LAMA3: variants seen among roughly 807,000 people sequenced by gnomAD.
LAMA3 encodes laminin subunit alpha-3.
In LAMA3, 281 loss-of-function variants were observed where a neutral mutation model predicts 402.0. The ratio of observed to expected loss-of-function variants is 0.70; its 90% confidence interval spans 0.63 to 0.77. The LOEUF (loss-of-function observed/expected upper bound fraction) is 0.77, where lower values mean the gene tolerates loss of function less well. Among genes scored for constraint, LAMA3 ranks in the 30% least tolerant of loss-of-function variants. LAMA3 has a pLI of 0.00. For synonymous variants in LAMA3, 1,431 were observed against 1,558.4 expected, an observed-to-expected ratio of 0.92 and a Z score of 1.93; for missense variants, 3,840 against 4,215.5, an observed-to-expected ratio of 0.91 and a Z score of 2.47.
At chr18:23,947,675 A>G (rs1022324898) in intron 70 of LAMA3, among the ~76,000 whole-genome samples, 1 of 152,276 alleles carries the variant, frequency 6.6e-6, no homozygotes, top group Non-Finnish European at 1.5e-5. Context: ...AGTAACTTAT[A>G]TATATTTCAT....
chr18:23,891,289 G>T (rs568149700), intron 42 of LAMA3, among the ~76,000 whole-genome samples: 2 of 152,342 alleles, frequency 1.3e-5, no homozygotes, highest in Admixed American at 1.3e-4. Flanking sequence ...ACAATGGTTT[G>T]TGACAAGAGT....
At chr18:23,816,785 A>C (rs563100410) in intron 18 of LAMA3, among the ~76,000 whole-genome samples, 4 of 152,308 alleles carry the variant, frequency 2.6e-5, no homozygotes, top group African/African-American at 9.6e-5. Context: ...GTGGGTTCTC[A>C]GGGCTCAACT....
At chr18:23,757,590 T>C (rs995473463) in intron 6 of LAMA3, among the ~76,000 whole-genome samples, 6 of 150,858 alleles carry the variant, frequency 4.0e-5, no homozygotes, top group Non-Finnish European at 7.4e-5. Flanking sequence ...TTCTGTGGAG[T>C]GGTGGCGCGA....
chr18:23,768,532 T>C (rs1041609812), intron 8 of LAMA3, among the ~76,000 whole-genome samples: 8 of 152,232 alleles, frequency 5.3e-5, no homozygotes, highest in Non-Finnish European at 1.2e-4. Context: ...CACTTACTTA[T>C]ACATTGCTGG....
intron 12 of LAMA3, among the ~76,000 whole-genome samples, chr18:23,794,947 G>T (rs2062734563): frequency 6.6e-6 from 1 of 152,160 alleles, no homozygotes; most frequent in Admixed American, 6.5e-5. Context: ...TTAAATGTAT[G>T]TTATAATTCT....
At chr18:23,774,123 G>A (rs1464145199) in intron 9 of LAMA3, among the ~76,000 whole-genome samples, 1 of 152,080 alleles carries the variant, frequency 6.6e-6, no homozygotes, top group Non-Finnish European at 1.5e-5. Context: ...CTCTGGAGGT[G>A]GAGGCATGAG....
chr18:23,864,712 C>A lies in LAMA3; in HGVS notation c.4585-73C>A, dbSNP rs2064309900. 5 of 986,044 alleles carry A rather than the reference C, an allele frequency of 5.1e-6. No homozygotes were observed. In the South Asian group the frequency reaches 5.2e-5, roughly 10 times the overall value. 61.1% of individuals were successfully genotyped at this position (986,044 alleles called of 1,614,324 possible). A position where few individuals can be genotyped will look rare whatever the true frequency, so the allele number is the denominator to read the frequency against. ...TTTCCACACCTTGTGTGCCTAAGTG[C>A]TTTTCATGCGGGTTGATGTTGACAT... is the stretch of plus-strand genomic sequence containing the variant. On this transcript the variant is annotated intron_variant, in intron 35 of 74. Transcript: ENST00000313654.
Position 23,903,078 on chromosome 18 carries a change from T to G in LAMA3, c.6271T>G (p.Leu2091Val). The G allele has an allele frequency of 6.2e-7, 1 of 1,613,538 alleles. No homozygotes were observed. Among genetic ancestry groups the G allele is most frequent in the Non-Finnish European group, 8.5e-7 (1 of 1,179,558 alleles). The part of the protein sequence containing the change: ...TKYLTTADSS[L>V]LQTNIALQLM... Reference sequence around the variant, plus strand: ...GTATCTAACCACTGCAGACTCATCTTTGTTGCAAACCAACATTGCGCTGCA... The same window carrying G: ...GTATCTAACCACTGCAGACTCATCTGTGTTGCAAACCAACATTGCGCTGCA... Residue 2091 changes from leucine (L) to valine (V), a missense_variant, in exon 49 of 75, where the codon TTG (leucine) becomes GTG (valine). Leu to Val is a conservative substitution (Grantham distance 32). Coordinates refer to ENST00000313654, the MANE Select transcript of LAMA3 (RefSeq NM_198129.4).
chr18:23,908,055 C>A, intron 54 of LAMA3, 120 bp downstream of exon 54: 2 of 920,480 alleles, frequency 2.2e-6, no homozygotes, highest in Non-Finnish European at 1.8e-6. Context: ...TAGAAAACAG[C>A]TCCACCTGAT....
intron 12 of LAMA3, among the ~76,000 whole-genome samples, chr18:23,791,588 G>C (rs974102899): frequency 2.0e-5 from 3 of 151,942 alleles, no homozygotes; most frequent in Middle Eastern, 6.3e-3. Flanking sequence ...ACAAAAATTA[G>C]CCAGGCATCG....
chr18:23,898,781 C>A lies in LAMA3; in HGVS notation c.5657C>A (p.Ser1886Ter). 6.2e-7 allele frequency: 1 copy of A among 1,612,438 alleles called. No homozygotes were observed. Among genetic ancestry groups the A allele is most frequent in the Non-Finnish European group, 8.5e-7 (1 of 1,178,558 alleles). The change falls in exon 45 of 75, where the codon TCA becomes TAA. Residue 1886 changes from serine to a stop codon, truncating the protein, a stop_gained. Transcript: ENST00000313654. LOFTEE classifies it high-confidence loss of function. ...NYRSAISNHG[S>*]KIEGLERELT... is the part of the protein sequence containing the mutation. ...CGTTCTGCCATTTCAAATCATGGAT[C>A]AAAAATAGAAGGCCTGGAAAGAGAA...
chr18:23,894,299 C>T lies in LAMA3; in HGVS notation c.5412C>T (p.Asp1804=), dbSNP rs2080797926. ...TCTTTGGTTATTTTCTGATTTTAGA[C>T]TGCATAAACCAAGAACCCAAAGATA... ...QLGSCHPLTG[D]CINQEPKDSS... The change falls in exon 43 of 75, where the codon GAC becomes GAT. Residue 1804 remains aspartate, a splice_region_variant and synonymous_variant. Transcript: ENST00000313654. 1 of 1,610,690 alleles carries T rather than the reference C, an allele frequency of 6.2e-7. No homozygotes were observed. The highest frequency in any genetic ancestry group is 8.5e-7 in the Non-Finnish European group (1 of 1,176,904).
intron 7 of LAMA3, among the ~76,000 whole-genome samples, chr18:23,761,265 A>G (rs1208956480): frequency 6.6e-6 from 1 of 152,164 alleles, no homozygotes; most frequent in African/African-American, 2.4e-5. Context: ...TCTATTGCAA[A>G]CAAAACACAT....
At chr18:23,780,436 G>C (rs1238981511) in intron 11 of LAMA3, among the ~76,000 whole-genome samples, 1 of 152,088 alleles carries the variant, frequency 6.6e-6, no homozygotes, top group Non-Finnish European at 1.5e-5. Context: ...CTGAGTCTTG[G>C]AGTGTGAAGA....
intron 13 of LAMA3, 24 bp downstream of exon 13, chr18:23,810,527 G>C: frequency 6.2e-7 from 1 of 1,613,708 alleles, no homozygotes; most frequent in Non-Finnish European, 8.5e-7. Flanking sequence ...CAGATTGCTA[G>C]AGGGCTGGTT....
chr18:23,944,214 G>T (rs1354018540), intron 69 of LAMA3, among the ~76,000 whole-genome samples: 1 of 152,040 alleles, frequency 6.6e-6, no homozygotes, highest in African/African-American at 2.4e-5. Context: ...ATCCCCTCCA[G>T]CCCTCCCCCA....
rs1397425921 is a variant in LAMA3, at chr18:23,905,591, G to A, written c.6685G>A (p.Glu2229Lys). 1 of 1,610,976 alleles carries A rather than the reference G, an allele frequency of 6.2e-7. No homozygotes were observed. Among genetic ancestry groups the A allele is most frequent in the Admixed American group, 1.7e-5 (1 of 60,004 alleles). Residue 2229 changes from glutamate (E) to lysine (K), a missense_variant, in exon 52 of 75, where the codon GAA becomes AAA. By Grantham distance (56) the Glu-to-Lys change is moderately conservative. This residue lies in a region of LAMA3 where 891 missense variants were observed against 857.5 expected (regional missense o/e 1.04). Transcript: ENST00000313654. The part of the protein sequence containing the change: ...LSSNSDKLLN[E>K]AKMTQKKLKQ... ...TTCCAACAGTGATAAACTGTTAAAT[G>A]AAGCCAAGATGACACAAAAGAAGCT... is the stretch of plus-strand genomic sequence containing the variant.
intron 2 of LAMA3, among the ~76,000 whole-genome samples, chr18:23,744,127 A>G (rs1421975357): frequency 1.3e-5 from 2 of 152,232 alleles, no homozygotes; most frequent in Non-Finnish European, 2.9e-5. Context: ...TGTGAACATA[A>G]TTATGAGACC....
chr18:23,935,561 A>G (rs948540050), intron 67 of LAMA3, among the ~76,000 whole-genome samples: 3 of 152,194 alleles, frequency 2.0e-5, no homozygotes, highest in Non-Finnish European at 4.4e-5. Context: ...CTGGAGTCAG[A>G]CTTCCTGGGT....
Sources: allele counts gnomAD v4.1 joint callset (sites outside exome capture counted in the v4.1 genomes callset), GRCh38; gene constraint gnomAD v4.1.1; regional missense constraint gnomAD v4.1.1; transcripts MANE v1.5; gene names NCBI Gene and HGNC (gene_info 2026-07-23, HGNC 2026-07-21).